EHMT1: variants seen among roughly 807,000 people sequenced by gnomAD.
The protein encoded by EHMT1 is histone-lysine N-methyltransferase EHMT1.
In EHMT1, 15 loss-of-function variants were observed where a neutral mutation model predicts 147.2. That is an observed-to-expected ratio of 0.10 (90% CI 0.07 to 0.16). EHMT1 has a LOEUF of 0.16. Among genes scored for constraint, EHMT1 ranks in the 10% least tolerant of loss-of-function variants. The pLI is 1.00. For synonymous variants in EHMT1, 795 were observed against 709.6 expected (o/e 1.12, Z -1.91); for missense variants, 1,587 against 1,772.4 (o/e 0.90, Z 1.88).
chr9:137,722,647 G>A (rs1212994937), intron 3 of EHMT1, among the ~76,000 whole-genome samples: 1 of 151,956 alleles, frequency 6.6e-6, no homozygotes, highest in African/African-American at 2.4e-5. Flanking sequence ...CCCCACGGAG[G>A]TGGTGCGGCA....
intron 7 of EHMT1, 149 bp downstream of exon 7, chr9:137,752,557 T>A: frequency 1.1e-6 from 1 of 920,136 alleles, no homozygotes; most frequent in Non-Finnish European, 1.7e-6. Flanking sequence ...CACAGATGGG[T>A]CCTGTCCCTG....
intron 18 of EHMT1, chr9:137,803,214 T>C: frequency 8.6e-7 from 1 of 1,164,592 alleles, no homozygotes; most frequent in Non-Finnish European, 1.1e-6. Context: ...AACACTTCAT[T>C]AATTTAACCA....
chr9:137,812,021 C>T (rs568627802), intron 19 of EHMT1, among the ~76,000 whole-genome samples: 2 of 152,276 alleles, frequency 1.3e-5, no homozygotes, highest in African/African-American at 4.8e-5. Context: ...CTGTGGCACT[C>T]GCCACTCAGG....
chr9:137,749,397 A>G (rs1217825290), intron 6 of EHMT1, among the ~76,000 whole-genome samples: 1 of 152,076 alleles, frequency 6.6e-6, no homozygotes, highest in East Asian at 1.9e-4. Flanking sequence ...TCAGCCTCCA[A>G]AGTAGCTAGG....
intron 7 of EHMT1, among the ~76,000 whole-genome samples, chr9:137,753,090 C>T (rs1949102030): frequency 6.6e-6 from 1 of 152,072 alleles, no homozygotes; most frequent in African/African-American, 2.4e-5. Flanking sequence ...AAGCCCCCAG[C>T]CTGTGAGGGT....
At chr9:137,797,243 C>T (rs1178204644) in intron 16 of EHMT1, among the ~76,000 whole-genome samples, 9 of 152,058 alleles carry the variant, frequency 5.9e-5, no homozygotes, top group South Asian at 4.2e-4. Flanking sequence ...TCACTGAACC[C>T]GACAGAAGCC....
chr9:137,736,985 T>G (rs574173514), intron 4 of EHMT1, among the ~76,000 whole-genome samples: 1 of 152,204 alleles, frequency 6.6e-6, no homozygotes, highest in African/African-American at 2.4e-5. Flanking sequence ...AGCTGGTCAC[T>G]TGAGCTCAGG....
chr9:137,676,804 C>CT (rs907388686), intron 1 of EHMT1, among the ~76,000 whole-genome samples: 1 of 152,130 alleles, frequency 6.6e-6, no homozygotes, highest in South Asian at 2.1e-4. Flanking sequence ...AGGAGCTTCT[C>CT]TTTTCAGTTC....
At chr9:137,827,987 C>T (rs1016572978) in intron 25 of EHMT1, among the ~76,000 whole-genome samples, 6 of 152,184 alleles carry the variant, frequency 3.9e-5, no homozygotes, top group African/African-American at 7.2e-5. Flanking sequence ...TAGGGGAGGC[C>T]GTGCCCCTGT....
At chr9:137,754,863 C>T (rs1358310634) in intron 8 of EHMT1, among the ~76,000 whole-genome samples, 6 of 152,184 alleles carry the variant, frequency 3.9e-5, no homozygotes, top group African/African-American at 9.7e-5. Flanking sequence ...ATTTGCTGCC[C>T]GCATGGGTGA....
At chr9:137,820,094 G>C (rs969051439) in intron 25 of EHMT1, 2 of 152,236 alleles carry the variant, frequency 1.3e-5, no homozygotes, top group Admixed American at 1.3e-4. Flanking sequence ...GCACCAGGCA[G>C]CCGTCTTCAT....
chr9:137,762,545 C>A, intron 9 of EHMT1, 130 bp from the exon 10 acceptor site: 1 of 1,499,414 alleles, frequency 6.7e-7, no homozygotes. Context: ...GCTGTTTGTG[C>A]TGGGTAATCA....
At chr9:137,820,259 G>A (rs1955298119) in intron 25 of EHMT1, 1 of 152,270 alleles carries the variant, frequency 6.6e-6, no homozygotes, top group Admixed American at 6.5e-5. Context: ...TGTGCAGTGG[G>A]GCTGAGCTCT....
chr9:137,780,816 TGTGTGGTGATGACGCCGAGAC>T (rs1564747492), intron 14 of EHMT1, among the ~76,000 whole-genome samples: 5 of 71,374 alleles, frequency 7.0e-5, no homozygotes, highest in Admixed American at 2.8e-4. Context: ...CTCACTGAGA[TGTGTGGTGATGACGCCGAGAC>T]GTGTGGTGAT....
chr9:137,688,045 A>T (rs1337363760), intron 1 of EHMT1, among the ~76,000 whole-genome samples: 1 of 152,000 alleles, frequency 6.6e-6, no homozygotes, highest in Non-Finnish European at 1.5e-5. Context: ...TTTTTTTTAG[A>T]TGGAGTCTTA....
chr9:137,755,439 T>C (rs1213525663), intron 8 of EHMT1, among the ~76,000 whole-genome samples: 1 of 152,246 alleles, frequency 6.6e-6, no homozygotes, highest in African/African-American at 2.4e-5. Context: ...AAGTGTCCCA[T>C]TGTGTGGCTG....
chr9:137,793,834 A>G lies in EHMT1; in HGVS notation c.2505+2864A>G, dbSNP rs143989528. Among the ~76,000 whole-genome samples, 14 of 152,344 alleles carry G rather than the reference A, an allele frequency of 9.2e-5. No individual in the cohort carries two copies. The East Asian group carries it at 1.3e-3, about 15-fold the overall frequency. ...GTGACCGATAGAAGCCATCGAGAGTAGGGAGATTCATAGAGACAGAAAGTA... is the reference window on the plus strand; with the variant it reads ...GTGACCGATAGAAGCCATCGAGAGTGGGGAGATTCATAGAGACAGAAAGTA... On this transcript the variant is annotated intron_variant, in intron 16 of 26. Transcript: ENST00000460843.
In EHMT1 at chr9:137,776,406, T is replaced by C; in HGVS notation, c.1792-212T>C. 1 of 521,554 alleles carries C rather than the reference T, an allele frequency of 1.9e-6. No homozygotes were observed. The highest frequency in any genetic ancestry group is 2.0e-5 in the South Asian group (1 of 49,344). The allele number at this position is 521,554 out of a possible 1,614,324, so 32.3% of individuals were successfully genotyped here. ...GGCAGCCAAGTGACCTCTGTCTGGCTTCAGCTTCTTCTCTGTGGGGCGAGA... is the reference window on the plus strand; with the variant it reads ...GGCAGCCAAGTGACCTCTGTCTGGCCTCAGCTTCTTCTCTGTGGGGCGAGA... On this transcript the variant is annotated intron_variant, in intron 11 of 26. Coordinates refer to ENST00000460843, the MANE Select transcript of EHMT1 (RefSeq NM_024757.5). The surrounding 1 kb of genome is among the most constrained non-coding windows in gnomAD (Gnocchi z 4.4).
intron 1 of EHMT1, among the ~76,000 whole-genome samples, chr9:137,669,750 C>T (rs1191655877): frequency 6.6e-6 from 1 of 152,070 alleles, no homozygotes; most frequent in Non-Finnish European, 1.5e-5. Context: ...AATTAATCTC[C>T]TTATGTTGTC....
Sources: gnomAD v4.1 joint callset for allele counts (sites outside exome capture counted in the v4.1 genomes callset) on GRCh38, gnomAD v4.1.1 for gene constraint, Gnocchi (gnomAD v3.1) non-coding constraint, MANE v1.5 for transcripts, NCBI Gene and HGNC (gene_info 2026-07-23, HGNC 2026-07-21) for gene names.